Variants in CDK5RAP1 observed in about 807,000 individuals in gnomAD.
The protein encoded by CDK5RAP1 is CDK5RAP1 mitochondrial tRNA methylthiotransferase.
CDK5RAP1 carries 62 observed loss-of-function variants against 64.5 expected under a neutral mutation model. That is an observed-to-expected ratio of 0.96 (90% CI 0.78 to 1.19). CDK5RAP1 has a LOEUF of 1.19. CDK5RAP1 is among the 50% of genes most tolerant of loss of function. The pLI, the probability that CDK5RAP1 is intolerant of heterozygous loss-of-function variation, is 0.00. For synonymous variants in CDK5RAP1, 250 were observed against 261.9 expected, an observed-to-expected ratio of 0.95 and a Z score of 0.44; for missense variants, 657 against 735.0, an observed-to-expected ratio of 0.89 and a Z score of 1.23.
intron 1 of CDK5RAP1, among the ~76,000 whole-genome samples, chr20:33,398,649 G>C (rs984938929): frequency 6.6e-6 from 1 of 150,756 alleles, no homozygotes; most frequent in South Asian, 2.1e-4. Context: ...GCTGGTGGCC[G>C]GGTGCAGTGG....
chr20:33,370,390 T>TTTC (rs2044755883), intron 11 of CDK5RAP1, 109 bp downstream of exon 11: 5 of 1,122,288 alleles, frequency 4.5e-6, no homozygotes, highest in Admixed American at 2.2e-5. Context: ...GAGCCTGTGG[T>TTTC]TTCTCAAGGA....
At chr20:33,364,096 A>T (rs955330689) in intron 12 of CDK5RAP1, among the ~76,000 whole-genome samples, 1 of 151,752 alleles carries the variant, frequency 6.6e-6, no homozygotes, top group Non-Finnish European at 1.5e-5. Context: ...TTTGTCAATT[A>T]TTGTCAGGTA....
chr20:33,367,103 T>C lies in CDK5RAP1; in HGVS notation c.1393-95A>G, dbSNP rs988803412. The C allele has an allele frequency of 2.0e-5, 25 of 1,230,794 alleles. 1 individual carries two copies. The highest frequency in any genetic ancestry group is 2.7e-5 in the Non-Finnish European group (24 of 888,976). The allele number at this position is 1,230,794 out of a possible 1,614,324, so 76.2% of individuals were successfully genotyped here. A position where few individuals can be genotyped will look rare whatever the true frequency, so the allele number is the denominator to read the frequency against. ...AGAGGGCGACCATGTTCATTCTACCTACAAGTAACAGACACATGTACAGAA... is the reference window on the plus strand; with the variant it reads ...AGAGGGCGACCATGTTCATTCTACCCACAAGTAACAGACACATGTACAGAA... On this transcript the variant is annotated intron_variant, in intron 11 of 13. Transcript: ENST00000346416.
intron 6 of CDK5RAP1, among the ~76,000 whole-genome samples, chr20:33,386,284 G>A (rs150294516): frequency 1.1e-4 from 17 of 152,214 alleles, no homozygotes; most frequent in Admixed American, 3.9e-4. Flanking sequence ...CGATGGTCTC[G>A]ATCTTTTGAC....
At chr20:33,370,931 A>G (rs973094993) in intron 10 of CDK5RAP1, among the ~76,000 whole-genome samples, 1 of 152,172 alleles carries the variant, frequency 6.6e-6, no homozygotes, top group Non-Finnish European at 1.5e-5. Flanking sequence ...TCCTCTTACC[A>G]GTGAAAACCT....
chr20:33,378,749 G>A (rs896745776), intron 8 of CDK5RAP1, among the ~76,000 whole-genome samples: 6 of 152,076 alleles, frequency 3.9e-5, no homozygotes, highest in Admixed American at 2.0e-4. Context: ...ATTTGAACCC[G>A]GGTCTGAGGC....
chr20:33,369,520 A>G (rs1413816225), intron 11 of CDK5RAP1, among the ~76,000 whole-genome samples: 1 of 152,024 alleles, frequency 6.6e-6, no homozygotes, highest in African/African-American at 2.4e-5. Flanking sequence ...AGAAACTAAC[A>G]GCTCCTCTGA....
At chr20:33,366,669 T>C (rs1196296350) in intron 12 of CDK5RAP1, among the ~76,000 whole-genome samples, 190 bp downstream of exon 12, 2 of 152,012 alleles carry the variant, frequency 1.3e-5, no homozygotes, top group African/African-American at 4.8e-5. Context: ...AAAATCTGTA[T>C]ACTGAAAACT....
chr20:33,400,138 C>T (rs1989267822), intron 1 of CDK5RAP1, among the ~76,000 whole-genome samples: 1 of 152,252 alleles, frequency 6.6e-6, no homozygotes, highest in Admixed American at 6.5e-5. Context: ...AATTCCGTGG[C>T]CAATCTGACG....
chr20:33,393,385 G>A (rs1387970389), intron 4 of CDK5RAP1, among the ~76,000 whole-genome samples: 1 of 151,878 alleles, frequency 6.6e-6, no homozygotes, highest in Non-Finnish European at 1.5e-5. Context: ...GCCAGATGTT[G>A]GAGCTATTTG....
At chr20:33,391,835 A>G (rs1364553557) in intron 5 of CDK5RAP1, among the ~76,000 whole-genome samples, 2 of 151,928 alleles carry the variant, frequency 1.3e-5, no homozygotes, top group East Asian at 3.9e-4. Context: ...AAAAAAAAAA[A>G]AGAAATTCAA....
intron 7 of CDK5RAP1, 113 bp from the exon 8 acceptor site, chr20:33,379,804 A>T: frequency 1.3e-6 from 1 of 782,716 alleles, no homozygotes; most frequent in Non-Finnish European, 2.0e-6. Context: ...CAAAAGAAAA[A>T]TCGAACCTAC....
chr20:33,360,160 G>T, intron 13 of CDK5RAP1, 191 bp downstream of exon 13: 1 of 592,900 alleles, frequency 1.7e-6, no homozygotes, highest in South Asian at 2.2e-5. Flanking sequence ...CAGGAGAATA[G>T]GTAAGAAGAA....
At chr20:33,369,351 C>G (rs953533201) in intron 11 of CDK5RAP1, among the ~76,000 whole-genome samples, 1 of 151,358 alleles carries the variant, frequency 6.6e-6, no homozygotes, top group African/African-American at 2.4e-5. Context: ...GGCATGGTGG[C>G]GGGTGCCTGT....
chr20:33,389,569 C>T (rs1988034273), intron 5 of CDK5RAP1, among the ~76,000 whole-genome samples: 1 of 151,136 alleles, frequency 6.6e-6, no homozygotes, highest in Non-Finnish European at 1.5e-5. Flanking sequence ...GGCCAGCCGC[C>T]CCGTCCGGGA....
chr20:33,399,814 T>C (rs1439712509), intron 1 of CDK5RAP1, among the ~76,000 whole-genome samples: 3 of 152,128 alleles, frequency 2.0e-5, no homozygotes, highest in Non-Finnish European at 4.4e-5. Context: ...TTGTTTGAGC[T>C]CAGGAGTTCG....
At chr20:33,394,797 TCTTAA>T (rs1371161125) in intron 3 of CDK5RAP1, among the ~76,000 whole-genome samples, 3 of 152,190 alleles carry the variant, frequency 2.0e-5, no homozygotes, top group African/African-American at 7.2e-5. Flanking sequence ...CACAGCCAAT[TCTTAA>T]CTTAGCTCCT....
intron 7 of CDK5RAP1, among the ~76,000 whole-genome samples, chr20:33,382,069 T>A (rs1986821288): frequency 6.6e-6 from 1 of 152,188 alleles, no homozygotes; most frequent in Admixed American, 6.6e-5. Flanking sequence ...CTTGAACTCC[T>A]ACGCTCAAGG....
chr20:33,393,812 T>C (rs112989228), intron 4 of CDK5RAP1, among the ~76,000 whole-genome samples: 181 of 152,310 alleles, frequency 1.2e-3, no homozygotes, highest in African/African-American at 3.8e-3. Flanking sequence ...ATCATTAAAT[T>C]TGTTAATGCA....
Sources: gnomAD v4.1 joint callset for allele counts (sites outside exome capture counted in the v4.1 genomes callset) on GRCh38, gnomAD v4.1.1 for gene constraint, MANE v1.5 for transcripts, NCBI Gene and HGNC (gene_info 2026-07-23, HGNC 2026-07-21) for gene names.